Variants in PTPRT observed in about 807,000 individuals in gnomAD.
PTPRT encodes protein tyrosine phosphatase receptor type T, also known as receptor-type tyrosine-protein phosphatase T.
PTPRT carries 56 observed loss-of-function variants against 176.8 expected under a neutral mutation model. The observed-to-expected ratio is 0.32, with a 90% CI of 0.26 to 0.40. The LOEUF (loss-of-function observed/expected upper bound fraction) is 0.40. PTPRT is among the 10% of genes least tolerant of loss of function. The pLI is 1.00. For synonymous variants in PTPRT, 783 were observed against 739.0 expected (o/e 1.06, Z -0.96); for missense variants, 1,540 against 1,908.2 (o/e 0.81, Z 3.60).
At chr20:42,239,413 CTTTTTTT>C (rs35978863) in intron 14 of PTPRT, among the ~76,000 whole-genome samples, 9 of 81,224 alleles carry the variant, frequency 1.1e-4, no homozygotes, top group East Asian at 3.7e-4. Flanking sequence ...CATTTTCTTT[CTTTTTTT>C]TTTTTTTTTT....
chr20:42,712,691 C>T (rs1275067442), intron 6 of PTPRT, among the ~76,000 whole-genome samples: 1 of 152,196 alleles, frequency 6.6e-6, no homozygotes, highest in African/African-American at 2.4e-5. Flanking sequence ...TCACACATAG[C>T]TGATAGGCCT....
At chr20:42,212,292 CTT>C (rs1251732654) in intron 15 of PTPRT, among the ~76,000 whole-genome samples, 3 of 91,220 alleles carry the variant, frequency 3.3e-5, no homozygotes, top group Non-Finnish European at 6.4e-5. Context: ...TACCCTAAAA[CTT>C]AAAGTATAAA....
intron 1 of PTPRT, among the ~76,000 whole-genome samples, chr20:43,011,938 A>C (rs1410730773): frequency 1.3e-5 from 2 of 152,146 alleles, no homozygotes; most frequent in African/African-American, 2.4e-5. Context: ...CTGCCCTCGA[A>C]CATCAGACCC....
intron 1 of PTPRT, among the ~76,000 whole-genome samples, chr20:42,915,045 CTAAGGAGGGAAAAAGATATAAT>C (rs367563621): frequency 0.028 from 4,241 of 152,080 alleles, 124 homozygotes; most frequent in African/African-American, 0.074. Context: ...AAAATGAAAG[CTAAGGAGGGAAAAAGATATAAT>C]TAAGGAAGCA....
At chr20:42,579,832 A>C (rs976642569) in intron 7 of PTPRT, among the ~76,000 whole-genome samples, 2 of 152,068 alleles carry the variant, frequency 1.3e-5, no homozygotes, top group South Asian at 4.2e-4. Flanking sequence ...GATTACAAAA[A>C]TTTTCTCCCA....
chr20:42,851,690 C>A (rs1190815439), intron 2 of PTPRT, among the ~76,000 whole-genome samples: 1 of 152,182 alleles, frequency 6.6e-6, no homozygotes, highest in Non-Finnish European at 1.5e-5. Context: ...GGCTTTGCAA[C>A]CATATCGTCT....
intron 7 of PTPRT, among the ~76,000 whole-genome samples, chr20:42,540,391 GA>G (rs975314562): frequency 4.0e-5 from 6 of 151,298 alleles, no homozygotes; most frequent in Admixed American, 1.3e-4. Flanking sequence ...GACAAGGCAG[GA>G]AAAAAAGAAA....
At position 42,483,922 on chromosome 20, in the gene PTPRT, C is replaced by T. The variant is rs1187319076; in HGVS notation, c.1154-11360G>A. Among the ~76,000 whole-genome samples, 10 of 152,214 alleles carry T rather than the reference C, an allele frequency of 6.6e-5. No homozygotes were observed. In the East Asian group the frequency reaches 9.6e-4, roughly 15 times the overall value. ...AGAGGGAGCCTGCGGGGCAGGAGGA[C>T]GGGGAGACTTCAGCATCAGGTATCC... On this transcript the variant is annotated intron_variant, in intron 7 of 30. Transcript: ENST00000373187.
intron 7 of PTPRT, among the ~76,000 whole-genome samples, chr20:42,568,683 C>T (rs866834377): frequency 1.1e-4 from 16 of 152,154 alleles, no homozygotes; most frequent in African/African-American, 3.4e-4. Flanking sequence ...AGAGGTGACC[C>T]TCCTGGCCTA....
At chr20:42,680,663 CTGAG>C (rs1311251302) in intron 6 of PTPRT, among the ~76,000 whole-genome samples, 4 of 152,172 alleles carry the variant, frequency 2.6e-5, no homozygotes, top group Non-Finnish European at 5.9e-5. Flanking sequence ...AGTTTGGAGG[CTGAG>C]TGAGTGGCCC....
chr20:42,767,257 G>C (rs2076995498), intron 5 of PTPRT, among the ~76,000 whole-genome samples: 1 of 152,178 alleles, frequency 6.6e-6, no homozygotes, highest in African/African-American at 2.4e-5. Flanking sequence ...GTGTCTGGAT[G>C]AGATGAGCAT....
At chr20:43,090,201 G>A (rs992785094) in intron 1 of PTPRT, among the ~76,000 whole-genome samples, 5 of 151,588 alleles carry the variant, frequency 3.3e-5, no homozygotes, top group African/African-American at 1.2e-4. Flanking sequence ...AACTTTCACA[G>A]AACCCTTAAT....
At chr20:42,969,936 T>C (rs1982524385) in intron 1 of PTPRT, among the ~76,000 whole-genome samples, 1 of 152,142 alleles carries the variant, frequency 6.6e-6, no homozygotes, top group Admixed American at 6.6e-5. Context: ...ATTGAGAACC[T>C]GTTAAACCCA....
At chr20:42,882,728 C>G (rs983382351) in intron 2 of PTPRT, among the ~76,000 whole-genome samples, 1 of 152,186 alleles carries the variant, frequency 6.6e-6, no homozygotes, top group Non-Finnish European at 1.5e-5. Context: ...GAACAAGATT[C>G]TCATGGTCCC....
chr20:42,438,928 T>G (rs2059287227), intron 9 of PTPRT, among the ~76,000 whole-genome samples: 1 of 152,238 alleles, frequency 6.6e-6, no homozygotes, highest in East Asian at 1.9e-4. Context: ...CACAAGTGGA[T>G]GACCAGCAGC....
chr20:43,122,203 C>T (rs2013286001), intron 1 of PTPRT, among the ~76,000 whole-genome samples: 1 of 152,178 alleles, frequency 6.6e-6, no homozygotes. Context: ...CTATGAAAAC[C>T]ACTGTTCTGA....
intron 7 of PTPRT, among the ~76,000 whole-genome samples, chr20:42,522,756 C>T (rs1277956247): frequency 3.3e-5 from 5 of 152,186 alleles, no homozygotes; most frequent in African/African-American, 1.2e-4. Context: ...CCACCATGCC[C>T]GGCTTTCTTT....
the PTPRT span, among the ~76,000 whole-genome samples, chr20:42,050,193 C>T: frequency 6.6e-6 from 1 of 152,182 alleles, no homozygotes; most frequent in Non-Finnish European, 1.5e-5. Context: ...GAAATCTCCC[C>T]TTTCGTGGTC....
intron 17 of PTPRT, among the ~76,000 whole-genome samples, chr20:42,144,936 G>A (rs1022832635): frequency 1.3e-5 from 2 of 152,134 alleles, no homozygotes; most frequent in African/African-American, 4.8e-5. Flanking sequence ...TTATTGGCAG[G>A]TTCTTAACAG....
Sources: allele counts gnomAD v4.1 joint callset (sites outside exome capture counted in the v4.1 genomes callset), GRCh38; gene constraint gnomAD v4.1.1; transcripts MANE v1.5; gene names NCBI Gene and HGNC (gene_info 2026-07-23, HGNC 2026-07-21).